Variants in CDH18 observed in about 807,000 individuals in gnomAD.
CDH18 encodes cadherin-18.
A neutral mutation model predicts 67.9 loss-of-function variants in CDH18; 31 were observed. That is an observed-to-expected ratio of 0.46 (90% CI 0.34 to 0.62). The LOEUF (loss-of-function observed/expected upper bound fraction) is 0.62. Ranked by LOEUF, CDH18 falls within the 20% of genes least tolerant of loss-of-function variation. The pLI is 0.01. For missense variants in CDH18, 890 were observed against 975.5 expected (o/e 0.91, Z 1.17); for synonymous variants, 362 against 347.2 (o/e 1.04, Z -0.48).
intron 3 of CDH18, among the ~76,000 whole-genome samples, chr5:19,760,825 C>A (rs1453816911): frequency 1.3e-5 from 2 of 152,112 alleles, no homozygotes; most frequent in African/African-American, 4.8e-5. Flanking sequence ...TCTTGCCTGG[C>A]AACTACCTCA....
intron 2 of CDH18, among the ~76,000 whole-genome samples, chr5:19,895,793 A>G (rs1024907343): frequency 1.3e-5 from 2 of 152,198 alleles, no homozygotes; most frequent in East Asian, 1.9e-4. Flanking sequence ...CTTATATAAC[A>G]TGATTGAAAT....
At chr5:20,050,321 T>C (rs1380632867) in intron 2 of CDH18, among the ~76,000 whole-genome samples, 1 of 151,902 alleles carries the variant, frequency 6.6e-6, no homozygotes, top group Non-Finnish European at 1.5e-5. Context: ...GTGACATTTA[T>C]GCCACTGTAA....
chr5:19,480,538 C>T (rs1006688808), intron 12 of CDH18, among the ~76,000 whole-genome samples: 4 of 151,598 alleles, frequency 2.6e-5, no homozygotes, highest in Admixed American at 1.3e-4. Flanking sequence ...CCACCAAGCC[C>T]GACTAATTTT....
chr5:19,483,943 A>G (rs1739931722), intron 11 of CDH18, among the ~76,000 whole-genome samples: 1 of 152,204 alleles, frequency 6.6e-6, no homozygotes, highest in East Asian at 1.9e-4. Flanking sequence ...AATATAGGTA[A>G]TAGGAGCACA....
intron 1 of CDH18, among the ~76,000 whole-genome samples, chr5:20,386,868 A>T (rs1028706973): frequency 2.0e-5 from 3 of 152,122 alleles, no homozygotes; most frequent in East Asian, 1.9e-4. Flanking sequence ...TGCCACTGTC[A>T]TTGTCTTCTC....
At chr5:20,063,458 C>G (rs2150512561) in intron 2 of CDH18, among the ~76,000 whole-genome samples, 1 of 152,112 alleles carries the variant, frequency 6.6e-6, no homozygotes, top group Admixed American at 6.6e-5. Context: ...TTACCATTAT[C>G]TTGTATCATA....
chr5:20,439,271 G>GA (rs895614697), intron 1 of CDH18, among the ~76,000 whole-genome samples: 2 of 151,600 alleles, frequency 1.3e-5, no homozygotes, highest in Non-Finnish European at 2.9e-5. Context: ...ACACTGAATA[G>GA]AAAAAACTAA....
chr5:20,525,739 T>G (rs1320137938), intron 1 of CDH18, among the ~76,000 whole-genome samples: 2 of 152,044 alleles, frequency 1.3e-5, no homozygotes, highest in Non-Finnish European at 2.9e-5. Context: ...ATAATTATAT[T>G]TCATCCTTCA....
chr5:19,696,244 TGTGTGTGTGTGTGTGTGC>T lies in CDH18; in HGVS notation c.643+25085_643+25102del, dbSNP rs1264448532. Among the ~76,000 whole-genome samples the T allele has an allele frequency of 1.3e-4, 5 of 37,314 alleles. No individual in the cohort carries two copies. The East Asian group carries it at 5.9e-3, about 44-fold the overall frequency. The allele number at this position is 37,314 out of a possible 152,430, so 24.5% of individuals were successfully genotyped here. On this transcript the variant is annotated intron_variant, in intron 5 of 12. Coordinates refer to ENST00000382275, the MANE Select transcript of CDH18 (RefSeq NM_004934.5). The stretch of plus-strand genomic sequence containing the variant: ...AAATATATGTGTGTGTGTGTGTGTG[TGTGTGTGTGTGTGTGTGC>T]GTATTTTTTAAGACAGAGTCTTGCT...
At chr5:19,917,216 A>C (rs992249539) in intron 2 of CDH18, among the ~76,000 whole-genome samples, 2 of 152,104 alleles carry the variant, frequency 1.3e-5, no homozygotes, top group Non-Finnish European at 2.9e-5. Flanking sequence ...AAAAAGGAAA[A>C]CTTTTGGTGT....
At chr5:20,245,015 C>T (rs947023674) in intron 2 of CDH18, among the ~76,000 whole-genome samples, 47 of 152,074 alleles carry the variant, frequency 3.1e-4, no homozygotes, top group African/African-American at 1.1e-3. Context: ...CTTGGTATCC[C>T]TCTTGCTGAT....
intron 2 of CDH18, among the ~76,000 whole-genome samples, chr5:20,081,715 TTCTCACTTACAAG>T (rs1744492851): frequency 6.6e-6 from 1 of 152,138 alleles, no homozygotes; most frequent in Non-Finnish European, 1.5e-5. Flanking sequence ...ATACCACATG[TTCTCACTTACAAG>T]TGGGAGCTAA....
intron 9 of CDH18, among the ~76,000 whole-genome samples, chr5:19,534,775 A>G (rs755569773): frequency 5.9e-5 from 9 of 152,176 alleles, no homozygotes; most frequent in Admixed American, 3.3e-4. Flanking sequence ...ATTTAATAAT[A>G]TTAAATACAA....
At chr5:20,063,644 A>T (rs890204622) in intron 2 of CDH18, among the ~76,000 whole-genome samples, 2 of 152,178 alleles carry the variant, frequency 1.3e-5, no homozygotes, top group Non-Finnish European at 1.5e-5. Flanking sequence ...CCATTCAAAG[A>T]TGCCTTTCAA....
intron 2 of CDH18, among the ~76,000 whole-genome samples, chr5:19,843,157 A>G (rs1208019911): frequency 6.6e-6 from 1 of 152,226 alleles, no homozygotes; most frequent in African/African-American, 2.4e-5. Context: ...AAATGTCTCC[A>G]GGGCATGTCA....
intron 1 of CDH18, among the ~76,000 whole-genome samples, chr5:20,455,989 T>C (rs1397268231): frequency 6.6e-6 from 1 of 152,096 alleles, no homozygotes; most frequent in Non-Finnish European, 1.5e-5. Context: ...AAATTGCTTT[T>C]GAATTATATT....
At position 19,612,041 on chromosome 5, in the gene CDH18, A is replaced by T. The variant is rs192886979; in HGVS notation, c.811+393T>A. ...TATTCATAACATGAAGAATTTTTTT[A>T]AAAAATTCAGTCACAGAATGTATGG... is the stretch of plus-strand genomic sequence containing the variant. On this transcript the variant is annotated intron_variant, in intron 6 of 12. Transcript: ENST00000382275. Among the ~76,000 whole-genome samples, 1,090 of 151,776 alleles carry T rather than the reference A, an allele frequency of 7.2e-3. 14 individuals are homozygous for T. The highest frequency in any genetic ancestry group is 0.025 in the African/African-American group (1,028 of 41,394).
intron 1 of CDH18, among the ~76,000 whole-genome samples, chr5:20,563,493 CGTTTTTTGTGT>C (rs1447905760): frequency 6.7e-6 from 1 of 148,586 alleles, no homozygotes; most frequent in Non-Finnish European, 1.5e-5. Flanking sequence ...TAAGTTCACT[CGTTTTTTGTGT>C]GTTTTTTTAA....
chr5:20,169,650 A>C (rs1736546863), intron 2 of CDH18, among the ~76,000 whole-genome samples: 1 of 152,156 alleles, frequency 6.6e-6, no homozygotes, highest in Non-Finnish European at 1.5e-5. Flanking sequence ...CAAACAGTTC[A>C]TGGCCTCATG....
Sources: allele counts gnomAD v4.1 joint callset (sites outside exome capture counted in the v4.1 genomes callset), GRCh38; gene constraint gnomAD v4.1.1; transcripts MANE v1.5; gene names NCBI Gene and HGNC (gene_info 2026-07-23, HGNC 2026-07-21).